Variants in EFCAB13 observed in about 807,000 individuals in gnomAD.
EFCAB13 encodes the protein EF-hand calcium binding domain 13, also known as EF-hand calcium-binding domain-containing protein 13.
In EFCAB13, 91 loss-of-function variants were observed where a neutral mutation model predicts 110.2. The ratio of observed to expected loss-of-function variants is 0.83; its 90% CI spans 0.70 to 0.98. The LOEUF is 0.98. Ranked by LOEUF, EFCAB13 falls within the 50% of genes least tolerant of loss-of-function variation. The pLI is 0.00. For synonymous variants in EFCAB13, 323 were observed against 369.9 expected, an observed-to-expected ratio of 0.87 and a Z score of 1.45; for missense variants, 968 against 1,119.4, an observed-to-expected ratio of 0.86 and a Z score of 1.93.
intron 9 of EFCAB13, among the ~76,000 whole-genome samples, chr17:47,351,302 T>TGCGCGC (rs1253848612): frequency 9.8e-6 from 1 of 101,580 alleles, no homozygotes; most frequent in African/African-American, 2.8e-5. Flanking sequence ...TGTGTGTGTG[T>TGCGCGC]GTGCGCGCGC....
At chr17:47,373,524 A>G (rs560381174) in intron 11 of EFCAB13, among the ~76,000 whole-genome samples, 17 of 152,116 alleles carry the variant, frequency 1.1e-4, no homozygotes, top group African/African-American at 4.1e-4. Flanking sequence ...CCTTATGTTG[A>G]TGTCTCTGCA....
rs1468118403 is a variant in EFCAB13 at position 47,440,888 on chromosome 17, T to C, written c.*174T>C. The C allele has an allele frequency of 2.0e-6, 1 of 499,152 alleles. No individual in the cohort carries two copies. Among genetic ancestry groups the C allele is most frequent in the African/African-American group, 2.0e-5 (1 of 50,644 alleles). The allele number at this position is 499,152 out of a possible 1,614,324, so 30.9% of individuals were successfully genotyped here. A position where few individuals can be genotyped will look rare whatever the true frequency, so the allele number is the denominator to read the frequency against. The stretch of plus-strand genomic sequence containing the variant: ...CTTCAGCGACTCTCTTGATCACACT[T>C]TTTAAACATTCATGCTTTTTGAGGT... On this transcript the variant is annotated 3_prime_UTR_variant, in exon 25 of 25. Coordinates refer to ENST00000331493, the MANE Select transcript of EFCAB13 (RefSeq NM_152347.5).
chr17:47,336,832 G>A (rs376012229), intron 5 of EFCAB13, among the ~76,000 whole-genome samples: 1 of 152,012 alleles, frequency 6.6e-6, no homozygotes, highest in Non-Finnish European at 1.5e-5. Context: ...TTAAATGCAT[G>A]TAGGAGAAAT....
chr17:47,424,264 C>A (rs1904848829), intron 23 of EFCAB13, among the ~76,000 whole-genome samples: 1 of 152,140 alleles, frequency 6.6e-6, no homozygotes, highest in African/African-American at 2.4e-5. Context: ...CCCTTGGACG[C>A]CGGGGAAGAG....
At chr17:47,331,916 G>T (rs149127951) in intron 4 of EFCAB13, among the ~76,000 whole-genome samples, 4 of 152,084 alleles carry the variant, frequency 2.6e-5, no homozygotes, top group South Asian at 4.1e-4. Context: ...CTTCTTTTTA[G>T]CACTAAATAA....
At chr17:47,347,463 G>A (rs1291214576) in intron 8 of EFCAB13, among the ~76,000 whole-genome samples, 1 of 152,104 alleles carries the variant, frequency 6.6e-6, no homozygotes, top group Non-Finnish European at 1.5e-5. Context: ...GAGGGATATT[G>A]ACATGCAAGC....
At chr17:47,420,274 A>G (rs950188283) in intron 23 of EFCAB13, among the ~76,000 whole-genome samples, 2 of 152,308 alleles carry the variant, frequency 1.3e-5, no homozygotes, top group Non-Finnish European at 2.9e-5. Context: ...GCTGGAGTGC[A>G]GTGGCGTGAT....
intron 9 of EFCAB13, 76 bp from the exon 10 acceptor site, chr17:47,361,302 G>A (rs1261988978): frequency 1.5e-6 from 2 of 1,371,678 alleles, no homozygotes; most frequent in African/African-American, 2.9e-5. Flanking sequence ...TCCCTTAGTA[G>A]GCTATTGACA....
intron 14 of EFCAB13, among the ~76,000 whole-genome samples, chr17:47,387,309 A>C (rs559244277): frequency 2.6e-5 from 4 of 152,266 alleles, no homozygotes; most frequent in African/African-American, 9.6e-5. Flanking sequence ...ATGTTCTGCA[A>C]ATGTCAGGTT....
At chr17:47,335,070 A>C (rs997570876) in intron 4 of EFCAB13, 126 bp from the exon 5 acceptor site, 3 of 1,107,500 alleles carry the variant, frequency 2.7e-6, no homozygotes, top group Non-Finnish European at 3.7e-6. Flanking sequence ...TTTTTCAACA[A>C]AATTCTCTTC....
intron 21 of EFCAB13, 33 bp downstream of exon 21, chr17:47,409,724 C>T: frequency 4.0e-6 from 6 of 1,493,478 alleles, no homozygotes; most frequent in Non-Finnish European, 5.6e-6. Flanking sequence ...AGAAAATTTT[C>T]AATAATAAGA....
chr17:47,388,745 C>A (rs1478206595), intron 14 of EFCAB13, among the ~76,000 whole-genome samples: 1 of 152,140 alleles, frequency 6.6e-6, no homozygotes, highest in African/African-American at 2.4e-5. Flanking sequence ...TCTGGACATA[C>A]ACTTTTATTT....
At chr17:47,360,675 G>A (rs902190340) in intron 9 of EFCAB13, among the ~76,000 whole-genome samples, 2 of 152,146 alleles carry the variant, frequency 1.3e-5, no homozygotes, top group Non-Finnish European at 2.9e-5. Context: ...ATTGCTTTTG[G>A]TGTTTTAGAC....
intron 10 of EFCAB13, among the ~76,000 whole-genome samples, chr17:47,362,391 G>C (rs897661609): frequency 2.6e-5 from 4 of 152,156 alleles, no homozygotes; most frequent in Non-Finnish European, 4.4e-5. Context: ...TGGTCTACCG[G>C]TAATGCCAGC....
chr17:47,349,229 T>C (rs2065434764), intron 9 of EFCAB13, among the ~76,000 whole-genome samples: 1 of 152,228 alleles, frequency 6.6e-6, no homozygotes, highest in African/African-American at 2.4e-5. Context: ...CTCTATAGGC[T>C]ATTTCTGCTC....
intron 5 of EFCAB13, among the ~76,000 whole-genome samples, chr17:47,338,916 A>G (rs961503212): frequency 6.6e-6 from 1 of 152,154 alleles, no homozygotes; most frequent in East Asian, 1.9e-4. Context: ...AGGGTACACC[A>G]TAAATACATA....
In EFCAB13 at chr17:47,385,801, G is replaced by C. The variant is rs73324440; in HGVS notation, c.1583-5636G>C. ...ATGGATTTACCTACCTTTGATCTTTGGATGGTGTTTCTGTATGGGGGTTCC... is the reference window on the plus strand; with the variant it reads ...ATGGATTTACCTACCTTTGATCTTTCGATGGTGTTTCTGTATGGGGGTTCC... On this transcript the variant is annotated intron_variant, in intron 14 of 24. Coordinates refer to ENST00000331493, the MANE Select transcript of EFCAB13 (RefSeq NM_152347.5). Among the ~76,000 whole-genome samples, 1,326 of 152,142 alleles carry C rather than the reference G, an allele frequency of 8.7e-3. 20 individuals carry two copies. Among genetic ancestry groups the C allele is most frequent in the African/African-American group, 0.031 (1,272 of 41,498 alleles).
Position 47,374,629 on chromosome 17 carries a change from T to G in EFCAB13, c.1035T>G (p.Tyr345Ter). Reference protein sequence around the residue: ...SKKLNKKSNQYYSKIMENDDL... With the variant: ...SKKLNKKSNQ Reference sequence around the variant, plus strand: ...AGTTAAATAAAAAAAGCAACCAATATTATAGCAAAATTATGGAGAATGATG... The same window carrying G: ...AGTTAAATAAAAAAAGCAACCAATAGTATAGCAAAATTATGGAGAATGATG... The change falls in exon 12 of 25, where the codon TAT becomes TAG. Residue 345 changes from tyrosine (Y) to a stop codon, truncating the protein, a stop_gained. Transcript: ENST00000331493. LOFTEE classifies it high-confidence loss of function. 1 of 1,606,206 alleles carries G rather than the reference T, an allele frequency of 6.2e-7. No individual in the cohort carries two copies. The highest frequency in any genetic ancestry group is 8.5e-7 in the Non-Finnish European group (1 of 1,178,148).
At chr17:47,326,539 A>G (rs2143205157) in intron 3 of EFCAB13, among the ~76,000 whole-genome samples, 152 bp downstream of exon 3, 1 of 152,324 alleles carries the variant, frequency 6.6e-6, no homozygotes, top group Non-Finnish European at 1.5e-5. Flanking sequence ...TTTAAGAATG[A>G]TAAGTTACCA....
Sources: gnomAD v4.1 joint callset for allele counts (sites outside exome capture counted in the v4.1 genomes callset) on GRCh38, gnomAD v4.1.1 for gene constraint, MANE v1.5 for transcripts, NCBI Gene and HGNC (gene_info 2026-07-23, HGNC 2026-07-21) for gene names.